TRAPPC9: variants seen among roughly 807,000 people sequenced by gnomAD.
TRAPPC9 encodes trafficking protein particle complex subunit 9.
In TRAPPC9, 83 loss-of-function variants were observed where a neutral mutation model predicts 124.0. That is an observed-to-expected ratio of 0.67 (90% confidence interval 0.56 to 0.80). TRAPPC9 has a LOEUF of 0.80. TRAPPC9 is among the 30% of genes least tolerant of loss of function. TRAPPC9 has a pLI of 0.00. For missense variants in TRAPPC9, 1,302 were observed against 1,508.3 expected (o/e 0.86, Z 2.27); for synonymous variants, 638 against 617.5 (o/e 1.03, Z -0.49).
chr8:139,792,017 G>T (rs1822718452), intron 21 of TRAPPC9, among the ~76,000 whole-genome samples: 1 of 152,176 alleles, frequency 6.6e-6, no homozygotes, highest in African/African-American at 2.4e-5. Context: ...CCCACAGGGA[G>T]CCCTCCCTGA....
intron 7 of TRAPPC9, among the ~76,000 whole-genome samples, chr8:140,374,309 C>T (rs781502195): frequency 1.4e-4 from 22 of 152,202 alleles, no homozygotes; most frequent in South Asian, 1.2e-3. Flanking sequence ...GTGGCGCACA[C>T]CTGTAATCCC....
chr8:140,275,252 A>C (rs1367956031), intron 15 of TRAPPC9, among the ~76,000 whole-genome samples: 1 of 152,188 alleles, frequency 6.6e-6, no homozygotes, highest in Non-Finnish European at 1.5e-5. Flanking sequence ...CCCTGACCCC[A>C]AACTACACGA....
At chr8:140,012,564 C>G (rs1839208347) in intron 18 of TRAPPC9, among the ~76,000 whole-genome samples, 1 of 152,252 alleles carries the variant, frequency 6.6e-6, no homozygotes, top group Non-Finnish European at 1.5e-5. Flanking sequence ...ACTTGCCCAA[C>G]ATGGCAGAGC....
chr8:140,289,318 G>A lies in TRAPPC9; in HGVS notation c.1855-1584C>T, dbSNP rs150336129. Among the ~76,000 whole-genome samples the A allele has an allele frequency of 7.2e-5, 11 of 152,164 alleles. No homozygotes were observed. In the East Asian group the frequency reaches 1.7e-3, roughly 24 times the overall value. ...TCGGCAGTGAGTACACTTAGTGCCC[G>A]GACTTGGAGCCAAGGTGTGAAATGA... On this transcript the variant is annotated intron_variant, in intron 12 of 22. Transcript: ENST00000438773.
chr8:140,142,002 C>T (rs2061388610), intron 17 of TRAPPC9, among the ~76,000 whole-genome samples: 2 of 152,220 alleles, frequency 1.3e-5, no homozygotes, highest in Admixed American at 1.3e-4. Context: ...GGCTGATAGA[C>T]TCTTCCAAGG....
intron 7 of TRAPPC9, among the ~76,000 whole-genome samples, chr8:140,379,789 G>C (rs142626015): frequency 6.6e-6 from 1 of 152,130 alleles, no homozygotes; most frequent in South Asian, 2.1e-4. Flanking sequence ...TGAAATTACC[G>C]ATTCCTACAA....
intron 15 of TRAPPC9, among the ~76,000 whole-genome samples, chr8:140,270,649 G>T (rs1186910733): frequency 6.6e-6 from 1 of 152,220 alleles, no homozygotes; most frequent in Non-Finnish European, 1.5e-5. Context: ...GCTTAGGCAG[G>T]CTTTCCAGAA....
At chr8:139,950,250 T>C (rs2035134) in intron 19 of TRAPPC9, among the ~76,000 whole-genome samples, 36,461 of 152,202 alleles carry the variant, frequency 0.24, 4,620 homozygotes, top group East Asian at 0.47. Context: ...TGAGTTCTCA[T>C]GAGGATTCAA....
At chr8:140,101,104 AT>A (rs2060570545) in intron 17 of TRAPPC9, among the ~76,000 whole-genome samples, 1 of 152,226 alleles carries the variant, frequency 6.6e-6, no homozygotes. Context: ...GCCACAAGCC[AT>A]CTTTTGGCCA....
intron 21 of TRAPPC9, among the ~76,000 whole-genome samples, chr8:139,778,815 C>CCAG (rs1821573333): frequency 6.6e-6 from 1 of 152,028 alleles, no homozygotes; most frequent in South Asian, 2.1e-4. Flanking sequence ...AACTGGAGAC[C>CCAG]TCTGAAGGAG....
At chr8:140,203,934 CA>C (rs1179613610) in intron 17 of TRAPPC9, among the ~76,000 whole-genome samples, 1 of 152,150 alleles carries the variant, frequency 6.6e-6, no homozygotes, top group Non-Finnish European at 1.5e-5. Context: ...TGCAGGAGGA[CA>C]AGGTACATAA....
chr8:140,359,777 A>C (rs191136374), intron 9 of TRAPPC9, among the ~76,000 whole-genome samples: 5 of 152,328 alleles, frequency 3.3e-5, no homozygotes, highest in African/African-American at 9.6e-5. Flanking sequence ...GCTGAAAAGA[A>C]GCCTGAGAGG....
intron 21 of TRAPPC9, among the ~76,000 whole-genome samples, chr8:139,883,783 T>C (rs1829830153): frequency 6.6e-6 from 1 of 152,228 alleles, no homozygotes; most frequent in Non-Finnish European, 1.5e-5. Flanking sequence ...CATCCCTGGC[T>C]GGTAGAGGCC....
intron 5 of TRAPPC9, among the ~76,000 whole-genome samples, chr8:140,410,303 C>T (rs1019411730): frequency 2.0e-5 from 3 of 151,912 alleles, no homozygotes; most frequent in East Asian, 3.9e-4. Context: ...TAGGAGGCTG[C>T]GGCAGACAGA....
rs1349001618 is a variant in TRAPPC9 at position 140,365,707 on chromosome 8, GA to G, written c.1351+5256del. 8.5e-5 allele frequency among the ~76,000 whole-genome samples: 13 copies of G among 152,352 alleles called. No homozygotes were observed. In the South Asian group the frequency reaches 2.7e-3, roughly 32 times the overall value. On this transcript the variant is annotated intron_variant, in intron 8 of 22. Coordinates refer to ENST00000438773, the MANE Select transcript of TRAPPC9 (RefSeq NM_001160372.4). ...GTCACCTAAAATACCAAGAAACAGA[GA>G]AGAAAATGGGAACAATCACCTTTTG...
At chr8:140,125,587 C>CTTTTTTTTTTTTTTTTTTTTTTTTTTTT (rs11292333) in intron 17 of TRAPPC9, among the ~76,000 whole-genome samples, 1 of 67,814 alleles carries the variant, frequency 1.5e-5, no homozygotes, top group African/African-American at 6.2e-5. Context: ...GAATCTCATT[C>CTTTTTTTTTTTTTTTTTTTTTTTTTTTT]TTTTTTTTTT....
At chr8:140,157,158 G>A (rs36158212) in intron 17 of TRAPPC9, among the ~76,000 whole-genome samples, 1,183 of 52,494 alleles carry the variant, frequency 0.023, 53 homozygotes, top group African/African-American at 0.025. Context: ...TTTCCATTCA[G>A]AAGCCTCCCT....
chr8:139,747,732 G>A (rs1302387075), intron 21 of TRAPPC9, among the ~76,000 whole-genome samples: 5 of 69,216 alleles, frequency 7.2e-5, no homozygotes, highest in African/African-American at 3.5e-4. Context: ...TGGGAGGTGT[G>A]CAGGGATCAG....
rs913893905 is a variant in TRAPPC9 at position 139,885,921 on chromosome 8, G to T, written c.3013C>A (p.Gln1005Lys). The change falls in exon 21 of 23, where the codon CAG becomes AAG. Residue 1005 changes from glutamine to lysine, a missense_variant. Around this residue, in one of 3 missense-constraint regions of TRAPPC9, gnomAD observed 640 missense variants for 679.3 expected, o/e 0.94. Coordinates refer to ENST00000438773, the MANE Select transcript of TRAPPC9 (RefSeq NM_001160372.4). The part of the protein sequence containing the change: ...GEASVEGLLN[Q>K]LVLEHLQLAP... ...AGCTGCAGGTGCTCCAGGACGAGCT[G>T]GTTCAGGAGTCCTTCCACACTCGCC... 38 of 1,574,030 alleles carry T rather than the reference G, an allele frequency of 2.4e-5. No homozygotes were observed. The highest frequency in any genetic ancestry group is 4.0e-5 in the African/African-American group (3 of 74,226).
Sources: allele counts gnomAD v4.1 joint callset (sites outside exome capture counted in the v4.1 genomes callset), GRCh38; gene constraint gnomAD v4.1.1; regional missense constraint gnomAD v4.1.1; transcripts MANE v1.5; gene names NCBI Gene and HGNC (gene_info 2026-07-23, HGNC 2026-07-21).